Variants in ETFDH observed in about 807,000 individuals in gnomAD.
The protein encoded by ETFDH is electron transfer flavoprotein-ubiquinone oxidoreductase, mitochondrial.
ETFDH carries 61 observed loss-of-function variants against 73.2 expected under a neutral mutation model. The ratio of observed to expected loss-of-function variants is 0.83; its 90% CI spans 0.68 to 1.03. The LOEUF is 1.03. ETFDH is among the 50% of genes least tolerant of loss of function. ETFDH has a pLI of 0.00. For synonymous variants in ETFDH, 243 were observed against 253.3 expected (o/e 0.96, Z 0.39); for missense variants, 685 against 745.0 (o/e 0.92, Z 0.94).
intron 3 of ETFDH, among the ~76,000 whole-genome samples, chr4:158,684,221 C>T (rs1321103523): frequency 1.3e-5 from 2 of 152,090 alleles, no homozygotes; most frequent in African/African-American, 4.8e-5. Flanking sequence ...AAAACCCCCT[C>T]TCTACTAAAA....
At chr4:158,675,768 CAA>C (rs199648174) in intron 1 of ETFDH, among the ~76,000 whole-genome samples, 32 of 78,626 alleles carry the variant, frequency 4.1e-4, no homozygotes, top group Admixed American at 5.6e-4. Context: ...GACCCTGTCT[CAA>C]AAAAAAAAAA....
In ETFDH at chr4:158,678,836, A is replaced by C. The variant is rs1202370606; in HGVS notation, c.35-1631A>C. 3.3e-5 allele frequency among the ~76,000 whole-genome samples: 5 copies of C among 151,474 alleles called. No homozygotes were observed. In the East Asian group the frequency reaches 9.7e-4, roughly 29 times the overall value. On this transcript the variant is annotated intron_variant, in intron 1 of 12. Coordinates refer to ENST00000511912, the MANE Select transcript of ETFDH (RefSeq NM_004453.4). ...CTAATTTTTTTACTTTTTATTTTTT[A>C]TTTCTGTAGAGAAGAGGTCTTGCTA...
intron 5 of ETFDH, among the ~76,000 whole-genome samples, chr4:158,689,791 G>C (rs1774116174): frequency 6.6e-6 from 1 of 150,450 alleles, no homozygotes. Context: ...AGAAACCAAG[G>C]GTTACAGACT....
Position 158,684,553 on chromosome 4 carries a change from A to G in ETFDH, c.406-39A>G, listed in dbSNP as rs369257704. On this transcript the variant is annotated intron_variant, in intron 3 of 12. Coordinates refer to ENST00000511912, the MANE Select transcript of ETFDH (RefSeq NM_004453.4). ...TGTATTTATATTTACACTTGCAAATATAAACTAAAAACATTTCTTTTTCTT... is the reference window on the plus strand; with the variant it reads ...TGTATTTATATTTACACTTGCAAATGTAAACTAAAAACATTTCTTTTTCTT... 3.6e-4 allele frequency: 432 copies of G among 1,184,412 alleles called. 2 individuals are homozygous for G. The South Asian group carries it at 5.1e-3, about 14-fold the overall frequency. The allele number at this position is 1,184,412 out of a possible 1,614,324, so 73.4% of individuals were successfully genotyped here.
At chr4:158,681,430 A>G (rs904737295) in intron 2 of ETFDH, 2 of 152,298 alleles carry the variant, frequency 1.3e-5, no homozygotes, top group African/African-American at 4.8e-5. Flanking sequence ...AGCTTATAAA[A>G]TAAAAACATT....
At chr4:158,692,876 T>TAAA (rs201333277) in intron 6 of ETFDH, among the ~76,000 whole-genome samples, 3 of 105,108 alleles carry the variant, frequency 2.9e-5, no homozygotes, top group African/African-American at 9.8e-5. Flanking sequence ...AAAAAAAGAT[T>TAAA]AAAAAAAAAA....
intron 7 of ETFDH, among the ~76,000 whole-genome samples, chr4:158,696,304 A>G (rs1774306152): frequency 6.6e-6 from 1 of 152,176 alleles, no homozygotes; most frequent in South Asian, 2.1e-4. Flanking sequence ...CCAGGAGTTC[A>G]AGACCTGCCT....
Position 158,708,625 on chromosome 4 carries a change from G to A in ETFDH, c.*98G>A. Reference sequence around the variant, plus strand: ...ATGTCTTTCTGCATATTACTGAACAGAATAGTCACAAAATGATTATCAAAT... The same window carrying A: ...ATGTCTTTCTGCATATTACTGAACAAAATAGTCACAAAATGATTATCAAAT... On this transcript the variant is annotated 3_prime_UTR_variant, in exon 13 of 13. Coordinates refer to ENST00000511912, the MANE Select transcript of ETFDH (RefSeq NM_004453.4). 2.0e-6 allele frequency: 2 copies of A among 977,618 alleles called. No homozygotes were observed. Among genetic ancestry groups the A allele is most frequent in the Non-Finnish European group, 3.2e-6 (2 of 617,960 alleles). The allele number at this position is 977,618 out of a possible 1,614,324, so 60.6% of individuals were successfully genotyped here.
At chr4:158,676,219 A>G (rs1236238685) in intron 1 of ETFDH, among the ~76,000 whole-genome samples, 1 of 152,132 alleles carries the variant, frequency 6.6e-6, no homozygotes, top group Non-Finnish European at 1.5e-5. Context: ...CCAATTGGTC[A>G]GGTCAGAGGT....
rs1433513689 is a variant in ETFDH, at chr4:158,708,387, G to C, written c.1714G>C (p.Glu572Gln). 10 of 1,610,912 alleles carry C rather than the reference G, an allele frequency of 6.2e-6. No homozygotes were observed. The highest frequency in any genetic ancestry group is 1.7e-5 in the Admixed American group (1 of 59,988). Reference protein sequence around the residue: ...PAGVYEFVPVEQGDGFRLQIN... With the variant: ...PAGVYEFVPVQQGDGFRLQIN... ...AGGAGTTTATGAATTTGTACCTGTG[G>C]AACAAGGTGATGGATTTCGGTTACA... The change falls in exon 13 of 13, where the codon GAA becomes CAA. Residue 572 changes from glutamate to glutamine, a missense_variant. By Grantham distance (29) the Glu-to-Gln change is conservative. Coordinates refer to ENST00000511912, the MANE Select transcript of ETFDH (RefSeq NM_004453.4).
At position 158,706,673 on chromosome 4, in the gene ETFDH, A is replaced by G. The variant is rs1774627740; in HGVS notation, c.1513A>G (p.Ile505Val). Residue 505 changes from isoleucine (I) to valine (V), a missense_variant, in exon 12 of 13, where the codon ATT becomes GTT. Transcript: ENST00000511912. ...RLKPAKDCTP[I>V]EYPKPDGQIS... ...CAAGCCAGCCAAGGATTGCACACCT[A>G]TTGAGTATCCAAAACCCGATGGACA... is the stretch of plus-strand genomic sequence containing the variant. 1.9e-6 allele frequency: 3 copies of G among 1,614,170 alleles called. No homozygotes were observed. The highest frequency in any genetic ancestry group is 2.5e-6 in the Non-Finnish European group (3 of 1,180,010).
At position 158,708,703 on chromosome 4, in the gene ETFDH, CT is replaced by C. The variant is rs1233030567; in HGVS notation, c.*180del. 2 of 603,976 alleles carry C rather than the reference CT, an allele frequency of 3.3e-6. No homozygotes were observed. Among genetic ancestry groups the C allele is most frequent in the Non-Finnish European group, 5.8e-6 (2 of 341,974 alleles). 37.4% of individuals were successfully genotyped at this position (603,976 alleles called of 1,614,324 possible). A position where few individuals can be genotyped will look rare whatever the true frequency, so the allele number is the denominator to read the frequency against. On this transcript the variant is annotated 3_prime_UTR_variant, in exon 13 of 13. Transcript: ENST00000511912. Reference sequence around the variant, plus strand: ...TCCCATAAAGAAATTACGGGTATTGCTTTTAAATAACCTTTATAAGAATGCA... The same window carrying C: ...TCCCATAAAGAAATTACGGGTATTGCTTTAAATAACCTTTATAAGAATGCA...
intron 5 of ETFDH, among the ~76,000 whole-genome samples, chr4:158,685,984 T>C (rs1055968012): frequency 3.9e-5 from 6 of 152,228 alleles, no homozygotes; most frequent in South Asian, 2.1e-4. Flanking sequence ...TAGTTGCTTT[T>C]TTCTGTTTTC....
Position 158,708,523 on chromosome 4 carries a change from T to C in ETFDH, c.1850T>C (p.Met617Thr). Residue 617 changes from methionine to threonine, a missense_variant, in exon 13 of 13, where the codon ATG (methionine) becomes ACG (threonine). Transcript: ENST00000511912. Reference protein sequence around the residue: ...EGGGGPAYNGM With the variant: ...EGGGGPAYNGT ...GGAGGAGGACCTGCTTACAATGGAA[T>C]GTAAACTGCAGCTAGCCAGTTTCTT... is the stretch of plus-strand genomic sequence containing the variant. 6.2e-7 allele frequency: 1 copy of C among 1,613,250 alleles called. No homozygotes were observed. Among genetic ancestry groups the C allele is most frequent in the African/African-American group, 1.3e-5 (1 of 75,026 alleles).
At chr4:158,695,036 C>T (rs901360492) in intron 6 of ETFDH, among the ~76,000 whole-genome samples, 30 of 152,168 alleles carry the variant, frequency 2.0e-4, no homozygotes, top group African/African-American at 6.8e-4. Flanking sequence ...TATTTTCAAT[C>T]CTCATTTGGT....
intron 12 of ETFDH, 40 bp from the exon 13 acceptor site, chr4:158,708,324 A>G (rs758992499): frequency 6.6e-7 from 1 of 1,509,644 alleles, no homozygotes; most frequent in Non-Finnish European, 9.1e-7. Flanking sequence ...AAAATTTTTT[A>G]AAGTTAGGCA....
chr4:158,706,575 A>G, intron 11 of ETFDH, 54 bp from the exon 12 acceptor site: 1 of 1,454,254 alleles, frequency 6.9e-7, no homozygotes, highest in Non-Finnish European at 9.7e-7. Context: ...TAGGCTTAAG[A>G]AAAAGTACTT....
Position 158,708,703 on chromosome 4 carries a change from C to CT in ETFDH, c.*180dup. The CT allele has an allele frequency of 1.7e-6, 1 of 604,094 alleles. No homozygotes were observed. Among genetic ancestry groups the CT allele is most frequent in the Non-Finnish European group, 2.9e-6 (1 of 341,966 alleles). 37.4% of individuals were successfully genotyped at this position (604,094 alleles called of 1,614,324 possible). On this transcript the variant is annotated 3_prime_UTR_variant, in exon 13 of 13. Coordinates refer to ENST00000511912, the MANE Select transcript of ETFDH (RefSeq NM_004453.4). ...TCCCATAAAGAAATTACGGGTATTG[C>CT]TTTTAAATAACCTTTATAAGAATGC...
chr4:158,692,447 G>A (rs1174645728), intron 6 of ETFDH, among the ~76,000 whole-genome samples: 1 of 149,452 alleles, frequency 6.7e-6, no homozygotes, highest in Non-Finnish European at 1.5e-5. Context: ...TCCTGTTTGG[G>A]ACTCCTAGTG....
Sources: gnomAD v4.1 joint callset for allele counts (sites outside exome capture counted in the v4.1 genomes callset) on GRCh38, gnomAD v4.1.1 for gene constraint, MANE v1.5 for transcripts, NCBI Gene and HGNC (gene_info 2026-07-23, HGNC 2026-07-21) for gene names.